The following MGAT5 variants were observed in gnomAD, a reference collection of about 807,000 sequenced individuals.
MGAT5 encodes the protein alpha-1,6-mannosylglycoprotein 6-beta-N-acetylglucosaminyltransferase.
Under a neutral mutation model 94.3 loss-of-function variants are expected in MGAT5, and 30 were observed. The observed-to-expected ratio is 0.32, with a 90% CI of 0.24 to 0.43. MGAT5 has a LOEUF of 0.43. Ranked by LOEUF, MGAT5 falls within the 20% of genes least tolerant of loss-of-function variation. The probability of loss-of-function intolerance (pLI) is 1.00; values close to 1 mark genes in which losing one functional copy is unlikely to be tolerated. For missense variants in MGAT5, 691 were observed against 905.5 expected, an observed-to-expected ratio of 0.76 and a Z score of 3.04; for synonymous variants, 310 against 322.9, an observed-to-expected ratio of 0.96 and a Z score of 0.43.
chr2:134,245,214 G>A (rs757194297), intron 1 of MGAT5, among the ~76,000 whole-genome samples: 5 of 152,082 alleles, frequency 3.3e-5, no homozygotes, highest in Admixed American at 3.3e-4. Context: ...GGGTTTCACC[G>A]TGTTAGCCAG....
At position 134,192,742 on chromosome 2, in the gene MGAT5, T is replaced by G. The variant is rs1047934445; in HGVS notation, c.-142-61520T>G. ...AAATTAAATGCCTAGTACTGTGGGA[T>G]TATTTAAGTAAAACATGCAATTACT... is the stretch of plus-strand genomic sequence containing the variant. On this transcript the variant is annotated intron_variant, in intron 1 of 16. Coordinates refer to the MGAT5 transcript ENST00000409645. Among the ~76,000 whole-genome samples the G allele has an allele frequency of 2.0e-5, 3 of 152,138 alleles. No individual in the cohort carries two copies. In the South Asian group the frequency reaches 6.2e-4, roughly 31 times the overall value.
chr2:134,125,375 C>T (rs1268552989), intron 1 of MGAT5, among the ~76,000 whole-genome samples: 1 of 152,156 alleles, frequency 6.6e-6, no homozygotes, highest in East Asian at 1.9e-4. Context: ...GTGGGTTGGG[C>T]TGTGAGTAGT....
At chr2:134,153,776 G>A (rs187055685) in intron 1 of MGAT5, among the ~76,000 whole-genome samples, 178 of 152,220 alleles carry the variant, frequency 1.2e-3, no homozygotes, top group African/African-American at 4.2e-3. Context: ...TATAGCAGAC[G>A]ACTGACTATA....
chr2:134,388,668 ATT>A (rs1483126743), intron 10 of MGAT5, among the ~76,000 whole-genome samples: 2 of 143,022 alleles, frequency 1.4e-5, no homozygotes. Flanking sequence ...CACAGTCTAA[ATT>A]TTACTAATTG....
intron 15 of MGAT5, among the ~76,000 whole-genome samples, chr2:134,444,304 G>T (rs573009218): frequency 6.6e-6 from 1 of 152,192 alleles, no homozygotes; most frequent in East Asian, 1.9e-4. Flanking sequence ...AGAGCAAAAG[G>T]ACTTGGCGTG....
At chr2:134,328,222 C>A (rs78232750) in intron 4 of MGAT5, among the ~76,000 whole-genome samples, 2,517 of 151,990 alleles carry the variant, frequency 0.017, 82 homozygotes, top group African/African-American at 0.058. Flanking sequence ...AAATTCTGCA[C>A]CCCCCCTCAC....
chr2:134,236,032 T>A (rs938347085), intron 1 of MGAT5, among the ~76,000 whole-genome samples: 1 of 152,164 alleles, frequency 6.6e-6, no homozygotes, highest in Non-Finnish European at 1.5e-5. Context: ...TACAGACCTG[T>A]TTTTCTCAGT....
intron 4 of MGAT5, among the ~76,000 whole-genome samples, chr2:134,324,915 A>C (rs965588669): frequency 1.3e-4 from 20 of 151,304 alleles, no homozygotes; most frequent in Admixed American, 9.2e-4. Context: ...TGTTCTTTTC[A>C]CCTTCTCTGT....
At chr2:134,404,568 G>A (rs574773265) in intron 11 of MGAT5, among the ~76,000 whole-genome samples, 46 of 152,108 alleles carry the variant, frequency 3.0e-4, no homozygotes, top group South Asian at 2.1e-4. Context: ...ATGTACTATC[G>A]TCATAAACAC....
intron 6 of MGAT5, 77 bp from the exon 7 acceptor site, chr2:134,341,513 C>A (rs1316310473): frequency 8.1e-7 from 1 of 1,239,060 alleles, no homozygotes; most frequent in Non-Finnish European, 1.1e-6. Context: ...TGGGATTGGT[C>A]AATCATTTCT....
chr2:134,216,642 A>G (rs148911934), intron 1 of MGAT5, among the ~76,000 whole-genome samples: 1 of 152,346 alleles, frequency 6.6e-6, no homozygotes, highest in Non-Finnish European at 1.5e-5. Flanking sequence ...AATGTGATTC[A>G]TCCTCGAGCT....
chr2:134,314,260 C>T (rs1686869378), intron 2 of MGAT5, among the ~76,000 whole-genome samples: 1 of 152,202 alleles, frequency 6.6e-6, no homozygotes, highest in Non-Finnish European at 1.5e-5. Context: ...TATTCATACC[C>T]ATCACTGTGT....
In MGAT5 at chr2:134,192,978, A is replaced by AT. The variant is rs143796937; in HGVS notation, c.-142-61279dup. Among the ~76,000 whole-genome samples, 335 of 151,998 alleles carry AT rather than the reference A, an allele frequency of 2.2e-3. 8 individuals are homozygous for AT. In the East Asian group the frequency reaches 0.059, roughly 27 times the overall value. On this transcript the variant is annotated intron_variant, in intron 1 of 16. Transcript: ENST00000409645. ...GGAATGATGAATGATGTTTAAAAAA[A>AT]TTTTTCTTTGTGGTTTTCCAGTATT... is the stretch of plus-strand genomic sequence containing the variant.
At position 134,150,057 on chromosome 2, in the gene MGAT5, T is replaced by C. The variant is rs534977306; in HGVS notation, c.-143+29766T>C. Among the ~76,000 whole-genome samples, 8 of 152,206 alleles carry C rather than the reference T, an allele frequency of 5.3e-5. No individual in the cohort carries two copies. In the South Asian group the frequency reaches 1.2e-3, roughly 24 times the overall value. On this transcript the variant is annotated intron_variant, in intron 1 of 16. Transcript: ENST00000409645. ...CCAGCAGGCAGGGAAGCCAGGTGTA[T>C]ACAGGGGTCAGCTGGTTGGAGGGTG... is the stretch of plus-strand genomic sequence containing the variant.
intron 2 of MGAT5, among the ~76,000 whole-genome samples, chr2:134,314,166 A>C (rs562697419): frequency 6.6e-6 from 1 of 152,162 alleles, no homozygotes; most frequent in African/African-American, 2.4e-5. Flanking sequence ...GAAGGCTGGG[A>C]CTCCCAGTTT....
chr2:134,387,315 TATATATATATATATA>T (rs1682062908), intron 10 of MGAT5, among the ~76,000 whole-genome samples: 1 of 45,586 alleles, frequency 2.2e-5, no homozygotes, highest in East Asian at 9.2e-4. Context: ...TATATATATA[TATATATATATATATA>T]TATTTTTTTT....
In MGAT5 at chr2:134,225,034, T is replaced by G. The variant is rs1322148397; in HGVS notation, c.-142-29228T>G. On this transcript the variant is annotated intron_variant, in intron 1 of 16. Transcript: ENST00000409645. ...GCGGAGGCTTCAGTGAGCTATGATC[T>G]TACTGCAAGCCAGCCTGGGTGACAG... 2.1e-5 allele frequency among the ~76,000 whole-genome samples: 3 copies of G among 143,168 alleles called. No individual in the cohort carries two copies. The Admixed American group carries it at 2.2e-4, about 10-fold the overall frequency. 93.9% of individuals were successfully genotyped at this position (143,168 alleles called of 152,430 possible). A position where few individuals can be genotyped will look rare whatever the true frequency, so the allele number is the denominator to read the frequency against.
chr2:134,236,651 T>C (rs564970575), intron 1 of MGAT5, among the ~76,000 whole-genome samples: 1 of 152,306 alleles, frequency 6.6e-6, no homozygotes, highest in African/African-American at 2.4e-5. Flanking sequence ...TCAAACCTCT[T>C]TCCTTTATAA....
rs574147237 is a variant in MGAT5, at chr2:134,234,454, A to G, written c.-142-19808A>G. On this transcript the variant is annotated intron_variant, in intron 1 of 16. Coordinates refer to the MGAT5 transcript ENST00000409645. ...AAAAGTCAAATGTATGTATATATCAAGAATTATAAGACTATGGGGGTCCAT... is the reference window on the plus strand; with the variant it reads ...AAAAGTCAAATGTATGTATATATCAGGAATTATAAGACTATGGGGGTCCAT... Among the ~76,000 whole-genome samples, 5 of 152,382 alleles carry G rather than the reference A, an allele frequency of 3.3e-5. No individual in the cohort carries two copies. In the East Asian group the frequency reaches 9.6e-4, roughly 29 times the overall value.
Sources: gnomAD v4.1 joint callset for allele counts (sites outside exome capture counted in the v4.1 genomes callset) on GRCh38, gnomAD v4.1.1 for gene constraint, MANE v1.5 for transcripts, NCBI Gene and HGNC (gene_info 2026-07-23, HGNC 2026-07-21) for gene names.